The following CSRP2 variants were observed in gnomAD, a reference collection of about 807,000 sequenced individuals.
CSRP2 encodes the protein cysteine and glycine rich protein 2.
In CSRP2, 18 loss-of-function variants were observed where a neutral mutation model predicts 24.6. The ratio of observed to expected loss-of-function variants is 0.73; its 90% CI spans 0.51 to 1.09. The LOEUF (loss-of-function observed/expected upper bound fraction) is 1.09. Ranked by LOEUF, CSRP2 falls within the 50% of genes least tolerant of loss-of-function variation. CSRP2 has a pLI of 0.00. For missense variants in CSRP2, 215 were observed against 239.4 expected (o/e 0.90, Z 0.67); for synonymous variants, 87 against 84.3 (o/e 1.03, Z -0.18).
At chr12:76,878,290 A>G (rs962037244) in intron 1 of CSRP2, 1 of 152,232 alleles carries the variant, frequency 6.6e-6, no homozygotes, top group Non-Finnish European at 1.5e-5. Context: ...GTTCTGGAAA[A>G]AGCTAGGAGT....
intron 3 of CSRP2, chr12:76,862,665 A>G: frequency 9.2e-7 from 1 of 1,086,950 alleles, no homozygotes; most frequent in South Asian, 3.2e-5. Context: ...AAGCCTTTAA[A>G]GTTTAACACT....
At chr12:76,878,211 C>T (rs1953871394) in intron 1 of CSRP2, 1 of 150,644 alleles carries the variant, frequency 6.6e-6, no homozygotes. Context: ...GAATGTGATT[C>T]GCAGGACCTG....
chr12:76,866,073 AT>A, intron 2 of CSRP2, 75 bp downstream of exon 2: 3 of 1,144,128 alleles, frequency 2.6e-6, no homozygotes, highest in Non-Finnish European at 3.8e-6. Context: ...CAAAACCACA[AT>A]TTTTCCTTAA....
chr12:76,859,882 A>C (rs754472322), intron 4 of CSRP2, among the ~76,000 whole-genome samples: 1 of 152,214 alleles, frequency 6.6e-6, no homozygotes, highest in African/African-American at 2.4e-5. Context: ...TCCTTTAAAG[A>C]GACCATCTTT....
At chr12:76,862,608 T>C in intron 3 of CSRP2, 1 of 597,938 alleles carries the variant, frequency 1.7e-6, no homozygotes, top group Non-Finnish European at 2.5e-6. Flanking sequence ...GAATATGAAA[T>C]ACTAAGTGAA....
rs1344708545 is a variant in CSRP2 at position 76,866,229 on chromosome 12, C to CCA, written c.30_31dup (p.Gly11ValfsTer35). The CCA allele has an allele frequency of 6.2e-7, 1 of 1,614,012 alleles. No homozygotes were observed. The highest frequency in any genetic ancestry group is 2.2e-5 in the East Asian group (1 of 44,896). Reference sequence around the variant, plus strand: ...GTGGTACACGGTCCTCCCACAGGCCCCACACTTGTTTCCACCTCCCCAGAC... The same window carrying CCA: ...GTGGTACACGGTCCTCCCACAGGCCCCACACACTTGTTTCCACCTCCCCAGAC... On this transcript the variant is annotated frameshift_variant, in exon 2 of 6. Transcript: ENST00000311083. LOFTEE classifies it high-confidence loss of function.
chr12:76,865,964 C>A (rs962078057), intron 2 of CSRP2, 185 bp downstream of exon 2: 2 of 585,020 alleles, frequency 3.4e-6, no homozygotes, highest in Admixed American at 3.1e-5. Flanking sequence ...GGCTGGGTGT[C>A]TTGGGCCACC....
chr12:76,873,105 A>G (rs1422995160), intron 1 of CSRP2, among the ~76,000 whole-genome samples: 1 of 152,226 alleles, frequency 6.6e-6, no homozygotes, highest in Non-Finnish European at 1.5e-5. Flanking sequence ...GAATTAGTCT[A>G]TATTCTATAT....
At chr12:76,871,356 G>A (rs1479234247) in intron 1 of CSRP2, among the ~76,000 whole-genome samples, 2 of 152,224 alleles carry the variant, frequency 1.3e-5, no homozygotes, top group East Asian at 1.9e-4. Flanking sequence ...TAGCTGCAGA[G>A]CAACAAACAA....
At chr12:76,867,227 G>A (rs1189224683) in intron 1 of CSRP2, among the ~76,000 whole-genome samples, 1 of 151,092 alleles carries the variant, frequency 6.6e-6, no homozygotes, top group Non-Finnish European at 1.5e-5. Flanking sequence ...GGTGGCTCAC[G>A]CCTGTAATCC....
At chr12:76,871,173 G>A (rs921776720) in intron 1 of CSRP2, among the ~76,000 whole-genome samples, 86 of 152,120 alleles carry the variant, frequency 5.7e-4, no homozygotes, top group African/African-American at 2.0e-3. Flanking sequence ...AGCTAAAAAT[G>A]GGGATAGGTA....
intron 5 of CSRP2, 39 bp from the exon 6 acceptor site, chr12:76,859,067 C>A: frequency 6.3e-7 from 1 of 1,580,454 alleles, no homozygotes; most frequent in Non-Finnish European, 8.7e-7. Flanking sequence ...AGTGCAAGTC[C>A]ATTAAGCTTT....
chr12:76,858,902 A>G lies in CSRP2; in HGVS notation c.*50T>C, dbSNP rs1246802752. Reference sequence around the variant, plus strand: ...TTAGTGTTAAAGATTATCTGTGCCTAGATTATGAAGAGATTCTCAGTGTGT... The same window carrying G: ...TTAGTGTTAAAGATTATCTGTGCCTGGATTATGAAGAGATTCTCAGTGTGT... On this transcript the variant is annotated 3_prime_UTR_variant, in exon 6 of 6. Coordinates refer to ENST00000311083, the MANE Select transcript of CSRP2 (RefSeq NM_001321.3). 2 of 1,482,446 alleles carry G rather than the reference A, an allele frequency of 1.3e-6. No homozygotes were observed. Among genetic ancestry groups the G allele is most frequent in the Non-Finnish European group, 1.9e-6 (2 of 1,060,704 alleles). 91.8% of individuals were successfully genotyped at this position (1,482,446 alleles called of 1,614,324 possible). A position where few individuals can be genotyped will look rare whatever the true frequency, so the allele number is the denominator to read the frequency against.
At chr12:76,871,320 A>G (rs1953794172) in intron 1 of CSRP2, among the ~76,000 whole-genome samples, 1 of 152,228 alleles carries the variant, frequency 6.6e-6, no homozygotes, top group African/African-American at 2.4e-5. Flanking sequence ...TCTAGTAGGA[A>G]AACCCACCAA....
At chr12:76,868,539 AT>A (rs1953757240) in intron 1 of CSRP2, among the ~76,000 whole-genome samples, 1 of 152,242 alleles carries the variant, frequency 6.6e-6, no homozygotes, top group African/African-American at 2.4e-5. Flanking sequence ...CTCCCCAATC[AT>A]GTGGAACTGT....
At chr12:76,865,103 A>AT (rs1953721884) in intron 2 of CSRP2, 2 of 152,230 alleles carry the variant, frequency 1.3e-5, no homozygotes, top group Non-Finnish European at 2.9e-5. Context: ...ATTAGAAAGG[A>AT]TTCGTAGAAA....
intron 1 of CSRP2, among the ~76,000 whole-genome samples, chr12:76,870,212 G>A (rs1484760757): frequency 7.9e-5 from 12 of 152,212 alleles, no homozygotes; most frequent in African/African-American, 2.9e-4. Flanking sequence ...GCAATCACCA[G>A]TAAGGAGCCA....
chr12:76,862,901 T>G (rs2047227), intron 3 of CSRP2: 930,675 of 1,525,908 alleles, frequency 0.61, 285,058 homozygotes, highest in East Asian at 0.71. Flanking sequence ...GCTGTGAAAT[T>G]GAAGTAAATA....
intron 1 of CSRP2, among the ~76,000 whole-genome samples, chr12:76,867,640 C>A (rs903550704): frequency 6.6e-6 from 1 of 152,174 alleles, no homozygotes; most frequent in African/African-American, 2.4e-5. Context: ...GCGATTGATT[C>A]CCCTTTCCCC....
Sources: allele counts gnomAD v4.1 joint callset (sites outside exome capture counted in the v4.1 genomes callset), GRCh38; gene constraint gnomAD v4.1.1; transcripts MANE v1.5; gene names NCBI Gene and HGNC (gene_info 2026-07-23, HGNC 2026-07-21).